The following KIF1B variants were observed in gnomAD, a reference collection of about 807,000 sequenced individuals.
KIF1B encodes kinesin family member 1B, also known as kinesin-like protein KIF1B.
KIF1B carries 76 observed loss-of-function variants against 241.9 expected under a neutral mutation model. That is an observed-to-expected ratio of 0.31 (90% CI 0.26 to 0.38). The LOEUF (loss-of-function observed/expected upper bound fraction) is 0.38, where lower values mean the gene tolerates loss of function less well. Ranked by LOEUF, KIF1B falls within the 10% of genes least tolerant of loss-of-function variation. The probability of loss-of-function intolerance (pLI) is 1.00; values close to 1 mark genes in which losing one functional copy is unlikely to be tolerated. For missense variants in KIF1B, 1,622 were observed against 2,271.4 expected (o/e 0.71, Z 5.81); for synonymous variants, 750 against 796.7 (o/e 0.94, Z 0.99).
At chr1:10,229,933 C>CTAT (rs1228408308) in intron 1 of KIF1B, among the ~76,000 whole-genome samples, 2 of 150,364 alleles carry the variant, frequency 1.3e-5, no homozygotes, top group Non-Finnish European at 2.9e-5. Context: ...TGGCTCACAC[C>CTAT]TATAATCCCA....
chr1:10,329,295 A>G (rs1459766047), intron 27 of KIF1B, among the ~76,000 whole-genome samples: 1 of 152,206 alleles, frequency 6.6e-6, no homozygotes, highest in Non-Finnish European at 1.5e-5. Context: ...CTCTTCTACA[A>G]ACAAAATTTA....
intron 24 of KIF1B, among the ~76,000 whole-genome samples, chr1:10,323,499 G>A (rs1651601910): frequency 6.6e-6 from 1 of 152,090 alleles, no homozygotes; most frequent in Admixed American, 6.6e-5. Flanking sequence ...ATGCATGCCT[G>A]TAGTCCCAGG....
At chr1:10,244,205 A>G (rs760274414) in intron 2 of KIF1B, among the ~76,000 whole-genome samples, 25 of 151,820 alleles carry the variant, frequency 1.6e-4, no homozygotes, top group Non-Finnish European at 1.9e-4. Flanking sequence ...CTATGTTTCT[A>G]TATTGTGAGG....
intron 2 of KIF1B, among the ~76,000 whole-genome samples, chr1:10,244,819 A>C (rs975218582): frequency 7.8e-5 from 11 of 141,064 alleles, no homozygotes; most frequent in Middle Eastern, 0.011. Flanking sequence ...TCACTGTTTT[A>C]GCCAGGATGG....
intron 45 of KIF1B, among the ~76,000 whole-genome samples, chr1:10,371,839 G>A (rs1256141966): frequency 6.6e-6 from 1 of 152,036 alleles, no homozygotes; most frequent in East Asian, 1.9e-4. Flanking sequence ...AGGCTGAAGT[G>A]GGAGGATCGC....
In KIF1B at chr1:10,256,240, C is replaced by T; in HGVS notation, c.107-7C>T. 1 of 1,570,190 alleles carries T rather than the reference C, an allele frequency of 6.4e-7. No homozygotes were observed. The highest frequency in any genetic ancestry group is 8.8e-7 in the Non-Finnish European group (1 of 1,140,118). On this transcript the variant is annotated splice_polypyrimidine_tract_variant and splice_region_variant and intron_variant, in intron 2 of 48. Transcript: ENST00000676179. ...GACTTATAAAATGAAACATTTTTAT[C>T]TTCTAGGTATTATTAACCCAAAGAA...
intron 7 of KIF1B, among the ~76,000 whole-genome samples, chr1:10,271,070 T>G (rs1003274936): frequency 6.6e-6 from 1 of 152,102 alleles, no homozygotes; most frequent in Non-Finnish European, 1.5e-5. Context: ...GTTGATGAGT[T>G]TTATATATTT....
At chr1:10,309,505 C>T (rs1650978441) in intron 22 of KIF1B, among the ~76,000 whole-genome samples, 1 of 147,874 alleles carries the variant, frequency 6.8e-6, no homozygotes, top group African/African-American at 2.7e-5. Context: ...TGGATATTTT[C>T]CTTCCAGCTA....
chr1:10,232,885 T>C (rs557986219), intron 2 of KIF1B, among the ~76,000 whole-genome samples: 6 of 152,340 alleles, frequency 3.9e-5, no homozygotes, highest in Admixed American at 1.3e-4. Flanking sequence ...AGTAAACTTA[T>C]ACATTATTAC....
intron 27 of KIF1B, among the ~76,000 whole-genome samples, chr1:10,332,501 ATTTTTTTTTTTTTTTTTT>A (rs568393252): frequency 8.5e-5 from 5 of 58,634 alleles, no homozygotes; most frequent in Non-Finnish European, 9.0e-5. Flanking sequence ...GATAATAGTC[ATTTTTTTTTTTTTTTTTT>A]TTTTTTTTTT....
chr1:10,316,362 A>G (rs1209382960), intron 22 of KIF1B, among the ~76,000 whole-genome samples: 9 of 151,604 alleles, frequency 5.9e-5, no homozygotes, highest in Non-Finnish European at 1.2e-4. Flanking sequence ...GGTTAATGTG[A>G]TGTTTCCCAG....
chr1:10,272,968 C>T, intron 9 of KIF1B, 46 bp from the exon 10 acceptor site: 1 of 1,498,136 alleles, frequency 6.7e-7, no homozygotes, highest in Non-Finnish European at 9.1e-7. Flanking sequence ...TACTTGGAGG[C>T]TTATCCTGTG....
chr1:10,213,983 A>G (rs1646729258), intron 1 of KIF1B, among the ~76,000 whole-genome samples: 1 of 152,016 alleles, frequency 6.6e-6, no homozygotes, highest in Non-Finnish European at 1.5e-5. Flanking sequence ...ACCAAAAAAA[A>G]AAAAATCTGG....
intron 43 of KIF1B, among the ~76,000 whole-genome samples, chr1:10,366,837 G>A (rs2102352186): frequency 6.6e-6 from 1 of 152,078 alleles, no homozygotes; most frequent in South Asian, 2.1e-4. Context: ...CGAACGTGGT[G>A]GCGTGCGCCT....
Position 10,365,772 on chromosome 1 carries a change from T to A in KIF1B, c.4752+124T>A. ...AAGGCCTGTGATAATACTGTGAATG[T>A]AGAAATAAAAAGACGCAGTTCCTAC... is the stretch of plus-strand genomic sequence containing the variant. On this transcript the variant is annotated intron_variant, in intron 43 of 48. Coordinates refer to ENST00000676179, the MANE Select transcript of KIF1B (RefSeq NM_001365951.3). The surrounding 1 kb of genome is among the most constrained non-coding windows in gnomAD (Gnocchi z 4.0). 7.2e-7 allele frequency: 1 copy of A among 1,385,510 alleles called. No individual in the cohort carries two copies. Among genetic ancestry groups the A allele is most frequent in the African/African-American group, 1.4e-5 (1 of 70,722 alleles). The allele number at this position is 1,385,510 out of a possible 1,614,324, so 85.8% of individuals were successfully genotyped here. A position where few individuals can be genotyped will look rare whatever the true frequency, so the allele number is the denominator to read the frequency against.
At chr1:10,275,040 G>T in intron 10 of KIF1B, 1 of 331,622 alleles carries the variant, frequency 3.0e-6, no homozygotes. Flanking sequence ...GAAGTGTTTA[G>T]GGGTAAATGG....
chr1:10,244,571 C>G (rs1042134079), intron 2 of KIF1B, among the ~76,000 whole-genome samples: 3 of 150,902 alleles, frequency 2.0e-5, no homozygotes, highest in African/African-American at 7.3e-5. Flanking sequence ...CTCAGCCTCC[C>G]AAAGTGCTGG....
At chr1:10,356,386 A>G (rs72640322) in intron 38 of KIF1B, among the ~76,000 whole-genome samples, 57 of 152,106 alleles carry the variant, frequency 3.7e-4, no homozygotes, top group Non-Finnish European at 6.3e-4. Context: ...ACATAAACAT[A>G]TTTATATATT....
rs150181429 is a variant in KIF1B, at chr1:10,303,204, G to T, written c.2115+5958G>T. 1.9e-6 allele frequency: 3 copies of T among 1,614,018 alleles called. No homozygotes were observed. The highest frequency in any genetic ancestry group is 1.6e-4 in the Middle Eastern group (1 of 6,062). On this transcript the variant is annotated intron_variant, in intron 22 of 48. Coordinates refer to ENST00000676179, the MANE Select transcript of KIF1B (RefSeq NM_001365951.3). This position sits in a 1 kb window ranked among gnomAD's most constrained non-coding sequence, Gnocchi z 5.2. ...GCGGGGACGATTCTGACAAGAGGTC[G>T]TGTGAAGAGAGCTGGAAACTGATTA... is the stretch of plus-strand genomic sequence containing the variant.
Sources: gnomAD v4.1 joint callset for allele counts (sites outside exome capture counted in the v4.1 genomes callset) on GRCh38, gnomAD v4.1.1 for gene constraint, Gnocchi (gnomAD v3.1) non-coding constraint, MANE v1.5 for transcripts, NCBI Gene and HGNC (gene_info 2026-07-23, HGNC 2026-07-21) for gene names.